NAV3: variants seen among roughly 807,000 people sequenced by gnomAD.
The protein encoded by NAV3 is neuron navigator 3.
Under a neutral mutation model 244.7 loss-of-function variants are expected in NAV3, and 87 were observed. The ratio of observed to expected loss-of-function variants is 0.36; its 90% CI spans 0.30 to 0.42. NAV3 has a LOEUF of 0.42. Ranked by LOEUF, NAV3 falls within the 20% of genes least tolerant of loss-of-function variation. The pLI is 1.00. For synonymous variants in NAV3, 1,126 were observed against 1,042.2 expected (o/e 1.08, Z -1.55); for missense variants, 2,663 against 2,893.3 (o/e 0.92, Z 1.83).
intron 2 of NAV3, among the ~76,000 whole-genome samples, chr12:77,718,899 C>T (rs1876486797): frequency 6.6e-6 from 1 of 152,128 alleles, no homozygotes; most frequent in Non-Finnish European, 1.5e-5. Context: ...AGGTGATCTG[C>T]CCACCTCAGC....
rs147406041 is a variant in NAV3 at position 77,932,000 on chromosome 12, G to C, written c.244-8319G>C. The stretch of plus-strand genomic sequence containing the variant: ...ATCCTATAATGATGGCCAGCTCATT[G>C]ATTCACTGGGTACCATGAGTGTCAG... On this transcript the variant is annotated intron_variant, in intron 1 of 39. Coordinates refer to ENST00000397909, the MANE Select transcript of NAV3 (RefSeq NM_001024383.2). Among the ~76,000 whole-genome samples the C allele has an allele frequency of 2.0e-5, 3 of 152,110 alleles. No homozygotes were observed. In the East Asian group the frequency reaches 5.8e-4, roughly 30 times the overall value.
intron 7 of NAV3, among the ~76,000 whole-genome samples, chr12:78,005,926 T>TGA (rs778730543): frequency 2.6e-5 from 4 of 152,180 alleles, no homozygotes; most frequent in Non-Finnish European, 4.4e-5. Context: ...CTTTTTTTTT[T>TGA]GAGAGAGAGT....
chr12:78,137,169 T>G lies in NAV3; in HGVS notation c.4442-8T>G, dbSNP rs760037913. ...AGAGTAATAGGCTCTGTGTGTTTTG[T>G]TTTTCAGTGAGCCCAACAAATTTGT... On this transcript the variant is annotated splice_polypyrimidine_tract_variant and splice_region_variant and intron_variant, in intron 18 of 39. Coordinates refer to ENST00000397909, the MANE Select transcript of NAV3 (RefSeq NM_001024383.2). 1 of 1,607,172 alleles carries G rather than the reference T, an allele frequency of 6.2e-7. No individual in the cohort carries two copies. Among genetic ancestry groups the G allele is most frequent in the South Asian group, 1.1e-5 (1 of 90,086 alleles).
upstream of NAV3, among the ~76,000 whole-genome samples, chr12:77,827,641 G>A (rs534916490): frequency 6.6e-6 from 1 of 152,086 alleles, no homozygotes; most frequent in Non-Finnish European, 1.5e-5. Flanking sequence ...GACCATATTA[G>A]GCTTCATGAC....
chr12:77,760,554 C>T (rs11106582), intron 2 of NAV3, among the ~76,000 whole-genome samples: 4 of 152,050 alleles, frequency 2.6e-5, no homozygotes, highest in Non-Finnish European at 5.9e-5. Context: ...TCTAGCTGTC[C>T]GTAAGTAGAA....
At chr12:77,858,194 C>A (rs1362721765) in intron 1 of NAV3, among the ~76,000 whole-genome samples, 7 of 151,994 alleles carry the variant, frequency 4.6e-5, no homozygotes, top group African/African-American at 1.7e-4. Context: ...AGTTATCCAT[C>A]ATCCACAATG....
At chr12:77,702,307 T>C (rs1282395876) in intron 2 of NAV3, among the ~76,000 whole-genome samples, 1 of 152,112 alleles carries the variant, frequency 6.6e-6, no homozygotes, top group East Asian at 1.9e-4. Context: ...GCATGGTGTA[T>C]CTTGTTATCT....
intron 23 of NAV3, among the ~76,000 whole-genome samples, chr12:78,162,027 T>C (rs1411489273): frequency 1.3e-5 from 2 of 152,240 alleles, no homozygotes; most frequent in African/African-American, 4.8e-5. Context: ...GAGAGCATAA[T>C]TTAGACTGAG....
chr12:77,939,283 C>T (rs1707871270), intron 1 of NAV3, among the ~76,000 whole-genome samples: 1 of 152,096 alleles, frequency 6.6e-6, no homozygotes, highest in African/African-American at 2.4e-5. Context: ...TGCCTGTCGG[C>T]TTTTCTATAT....
chr12:77,858,750 A>G (rs1479754721), intron 1 of NAV3, among the ~76,000 whole-genome samples: 1 of 152,030 alleles, frequency 6.6e-6, no homozygotes, highest in Non-Finnish European at 1.5e-5. Context: ...AAATCTTGCT[A>G]CATAAGCATC....
chr12:77,827,106 G>A (rs1404095815), upstream of NAV3, among the ~76,000 whole-genome samples: 8 of 151,838 alleles, frequency 5.3e-5, no homozygotes, highest in African/African-American at 9.7e-5. Flanking sequence ...AGTGGCAGGC[G>A]CCTGTAATCC....
chr12:78,112,724 C>G (rs1018841426), intron 12 of NAV3, among the ~76,000 whole-genome samples: 5 of 152,114 alleles, frequency 3.3e-5, no homozygotes, highest in African/African-American at 9.7e-5. Context: ...ACAGCCACAC[C>G]ATTTCATTCC....
At chr12:78,156,580 T>G (rs957810866) in intron 22 of NAV3, among the ~76,000 whole-genome samples, 1 of 152,124 alleles carries the variant, frequency 6.6e-6, no homozygotes, top group Non-Finnish European at 1.5e-5. Flanking sequence ...TTCTTCAAGT[T>G]TCACATTTAA....
At chr12:78,144,869 G>A (rs778027584) in intron 20 of NAV3, among the ~76,000 whole-genome samples, 2 of 136,872 alleles carry the variant, frequency 1.5e-5, no homozygotes, top group Admixed American at 7.7e-5. Flanking sequence ...ACAGTGAGTT[G>A]TGAATGCGCA....
chr12:77,738,974 T>C (rs1053879977), intron 2 of NAV3, among the ~76,000 whole-genome samples: 4 of 120,730 alleles, frequency 3.3e-5, no homozygotes, highest in Non-Finnish European at 6.3e-5. Context: ...ATCGCGCTAC[T>C]GCACTCCAGC....
At chr12:78,082,501 A>G (rs1953410415) in intron 12 of NAV3, among the ~76,000 whole-genome samples, 1 of 152,074 alleles carries the variant, frequency 6.6e-6, no homozygotes, top group Non-Finnish European at 1.5e-5. Flanking sequence ...GTCAGTGTTG[A>G]ATATTTTGGT....
rs560155324 is a variant in NAV3 at position 78,121,556 on chromosome 12, A to G, written c.3750-384A>G. On this transcript the variant is annotated intron_variant, in intron 15 of 39. Coordinates refer to ENST00000397909, the MANE Select transcript of NAV3 (RefSeq NM_001024383.2). ...AGAAGAGCTCATTTAAGTGTTGTCT[A>G]TCGAATGCGTAGAAGTTGTTTCATT... Among the ~76,000 whole-genome samples the G allele has an allele frequency of 3.2e-4, 49 of 152,300 alleles. 1 individual carries two copies. Among genetic ancestry groups the G allele is most frequent in the African/African-American group, 1.1e-3 (46 of 41,564 alleles).
chr12:77,584,874 G>T (rs947563146), intron 2 of NAV3, among the ~76,000 whole-genome samples: 1 of 152,080 alleles, frequency 6.6e-6, no homozygotes, highest in East Asian at 1.9e-4. Context: ...AGGGTAAAAG[G>T]ATTGTCAAAT....
upstream of NAV3, among the ~76,000 whole-genome samples, chr12:77,825,934 C>A (rs529113004): frequency 3.9e-5 from 6 of 152,158 alleles, no homozygotes; most frequent in Non-Finnish European, 7.4e-5. Context: ...AAAAGATAAT[C>A]AACATCAATA....
Sources: gnomAD v4.1 joint callset for allele counts (sites outside exome capture counted in the v4.1 genomes callset) on GRCh38, gnomAD v4.1.1 for gene constraint, MANE v1.5 for transcripts, NCBI Gene and HGNC (gene_info 2026-07-23, HGNC 2026-07-21) for gene names.